The following XPNPEP3 variants were observed in gnomAD, a reference collection of about 807,000 sequenced individuals.
XPNPEP3 encodes xaa-Pro aminopeptidase 3.
A neutral mutation model predicts 60.0 loss-of-function variants in XPNPEP3; 41 were observed. The observed-to-expected ratio is 0.68, with a 90% CI of 0.53 to 0.89. The LOEUF (loss-of-function observed/expected upper bound fraction) is 0.89. Among genes scored for constraint, XPNPEP3 ranks in the 40% least tolerant of loss-of-function variants. The pLI is 0.00. For missense variants in XPNPEP3, 598 were observed against 638.9 expected (o/e 0.94, Z 0.69); for synonymous variants, 212 against 223.2 (o/e 0.95, Z 0.45).
chr22:40,886,343 T>TGAG lies in XPNPEP3; in HGVS notation c.622_624dup (p.Arg208dup). ...ACGAACATGGTTTGGTATGACTGGATGAGGCCCTCACATGCACAGCTTCAC... is the reference window on the plus strand; with the variant it reads ...ACGAACATGGTTTGGTATGACTGGATGAGGAGGCCCTCACATGCACAGCTTCAC... On this transcript the variant is annotated inframe_insertion, in exon 4 of 10. Coordinates refer to ENST00000357137, the MANE Select transcript of XPNPEP3 (RefSeq NM_022098.4). The TGAG allele has an allele frequency of 1.2e-6, 2 of 1,614,162 alleles. No individual in the cohort carries two copies. Among genetic ancestry groups the TGAG allele is most frequent in the Admixed American group, 1.7e-5 (1 of 60,006 alleles).
chr22:40,866,665 A>G (rs536404919), intron 1 of XPNPEP3, among the ~76,000 whole-genome samples: 1 of 152,290 alleles, frequency 6.6e-6, no homozygotes, highest in South Asian at 2.1e-4. Flanking sequence ...TATGAACTGG[A>G]TATTTTTGAA....
In XPNPEP3 at chr22:40,881,904, T is replaced by A; in HGVS notation, c.316T>A (p.Tyr106Asn). 3.1e-6 allele frequency: 5 copies of A among 1,614,122 alleles called. No individual in the cohort carries two copies. The highest frequency in any genetic ancestry group is 4.2e-6 in the Non-Finnish European group (5 of 1,180,024). The change falls in exon 3 of 10, where the codon TAC (tyrosine) becomes AAC (asparagine). Residue 106 changes from tyrosine (Y) to asparagine (N), a missense_variant. Coordinates refer to ENST00000357137, the MANE Select transcript of XPNPEP3 (RefSeq NM_022098.4). ...TVVVLSNPTY[Y>N]MSNDIPYTFH... is the part of the protein sequence containing the mutation. ...GGTTGTGCTCTCCAACCCTACATAC[T>A]ACATGAGCAACGATATTCCCTATAC...
intron 1 of XPNPEP3, among the ~76,000 whole-genome samples, chr22:40,864,227 G>A (rs775478055): frequency 5.9e-5 from 9 of 152,166 alleles, no homozygotes; most frequent in Non-Finnish European, 1.2e-4. Context: ...ACTTCCTGAC[G>A]TTGCCATGGC....
At chr22:40,857,755 G>T (rs1262101348) in intron 1 of XPNPEP3, among the ~76,000 whole-genome samples, 1 of 152,200 alleles carries the variant, frequency 6.6e-6, no homozygotes, top group Non-Finnish European at 1.5e-5. Context: ...ATTTTTTGTA[G>T]GGTGTCCTCT....
intron 1 of XPNPEP3, chr22:40,862,326 A>G (rs2057955208): frequency 1.2e-5 from 12 of 1,035,250 alleles, no homozygotes; most frequent in Non-Finnish European, 1.4e-5. Context: ...AGCTTCAGGC[A>G]GTGCCTCATA....
intron 7 of XPNPEP3, among the ~76,000 whole-genome samples, chr22:40,914,824 A>G (rs754426338): frequency 1.4e-4 from 22 of 151,992 alleles, no homozygotes; most frequent in Non-Finnish European, 2.1e-4. Context: ...CTCCATAGAT[A>G]ATAATTATAA....
Position 40,882,192 on chromosome 22 carries a change from C to T in XPNPEP3, c.589+15C>T. On this transcript the variant is annotated intron_variant, in intron 3 of 9. Transcript: ENST00000357137. ...AAAAATGAAAGGTAACAAATGGGAG[C>T]AGAAGTCACATTACAAACCAGATTG... 1 of 1,613,672 alleles carries T rather than the reference C, an allele frequency of 6.2e-7. No individual in the cohort carries two copies. The highest frequency in any genetic ancestry group is 8.5e-7 in the Non-Finnish European group (1 of 1,179,866).
chr22:40,907,725 A>C, intron 5 of XPNPEP3, 76 bp downstream of exon 5: 3 of 1,433,710 alleles, frequency 2.1e-6, no homozygotes, highest in Non-Finnish European at 2.9e-6. Context: ...ATGGCAGTGC[A>C]GTCTGCTTTT....
intron 1 of XPNPEP3, among the ~76,000 whole-genome samples, chr22:40,865,590 A>C (rs1019900011): frequency 2.3e-4 from 34 of 148,546 alleles, no homozygotes; most frequent in African/African-American, 8.5e-4. Flanking sequence ...GGCCTCCCAA[A>C]GTGCTGGGAT....
chr22:40,912,084 T>C (rs1434963769), intron 6 of XPNPEP3, among the ~76,000 whole-genome samples: 1 of 152,190 alleles, frequency 6.6e-6, no homozygotes, highest in East Asian at 1.9e-4. Flanking sequence ...AAAAATAGTT[T>C]TTTTCATAAA....
intron 3 of XPNPEP3, among the ~76,000 whole-genome samples, chr22:40,883,980 AAG>A (rs1348373017): frequency 1.3e-5 from 2 of 152,198 alleles, no homozygotes; most frequent in African/African-American, 4.8e-5. Context: ...TAGCTTCTAA[AAG>A]AGAATTCCAA....
intron 7 of XPNPEP3, among the ~76,000 whole-genome samples, chr22:40,915,190 A>G (rs1042488151): frequency 6.6e-6 from 1 of 151,784 alleles, no homozygotes; most frequent in Non-Finnish European, 1.5e-5. Context: ...TAGCGGGACT[A>G]CAGGCACCCA....
At chr22:40,857,566 C>T (rs1023167533) in intron 1 of XPNPEP3, among the ~76,000 whole-genome samples, 1 of 152,246 alleles carries the variant, frequency 6.6e-6, no homozygotes, top group African/African-American at 2.4e-5. Flanking sequence ...TGTCTCACAT[C>T]AAGTAGCTCT....
At chr22:40,861,760 G>A (rs746978772) in intron 1 of XPNPEP3, 5 of 1,613,300 alleles carry the variant, frequency 3.1e-6, no homozygotes, top group Non-Finnish European at 4.2e-6. Flanking sequence ...TCATCAAAAT[G>A]ACTTCCACCT....
intron 6 of XPNPEP3, among the ~76,000 whole-genome samples, chr22:40,913,594 C>CT (rs2058184538): frequency 6.7e-6 from 1 of 149,418 alleles, no homozygotes; most frequent in Admixed American, 6.7e-5. Context: ...GTTTTTTTTT[C>CT]TTAAAAAAAA....
At chr22:40,905,552 A>C (rs1367930464) in intron 4 of XPNPEP3, among the ~76,000 whole-genome samples, 1 of 152,172 alleles carries the variant, frequency 6.6e-6, no homozygotes, top group Non-Finnish European at 1.5e-5. Context: ...CAAGACATGA[A>C]GTCATCTGGA....
At chr22:40,870,176 G>A (rs575919117) in intron 2 of XPNPEP3, 32 of 433,970 alleles carry the variant, frequency 7.4e-5, no homozygotes, top group Admixed American at 5.4e-4. Flanking sequence ...ATTAATTTTA[G>A]TATTTATCTA....
intron 2 of XPNPEP3, among the ~76,000 whole-genome samples, chr22:40,872,398 G>C (rs2058009676): frequency 6.6e-6 from 1 of 151,788 alleles, no homozygotes; most frequent in Non-Finnish European, 1.5e-5. Context: ...TTGACACTCA[G>C]ACATGAAAAT....
chr22:40,863,325 A>G (rs2057961589), intron 1 of XPNPEP3, among the ~76,000 whole-genome samples: 1 of 152,202 alleles, frequency 6.6e-6, no homozygotes. Context: ...TCTAGACCCG[A>G]ATTTAAAGGT....
Sources: gnomAD v4.1 joint callset for allele counts (sites outside exome capture counted in the v4.1 genomes callset) on GRCh38, gnomAD v4.1.1 for gene constraint, MANE v1.5 for transcripts, NCBI Gene and HGNC (gene_info 2026-07-23, HGNC 2026-07-21) for gene names.